The following RAB14 variants were observed in gnomAD, a reference collection of about 807,000 sequenced individuals.
RAB14 encodes the protein ras-related protein Rab-14.
RAB14 carries 3 observed loss-of-function variants against 31.1 expected under a neutral mutation model. The observed-to-expected ratio is 0.10, with a 90% confidence interval of 0.04 to 0.25. The LOEUF is 0.25. RAB14 is among the 10% of genes least tolerant of loss of function. The pLI is 1.00. For missense variants in RAB14, 111 were observed against 260.1 expected (o/e 0.43, Z 3.94); for synonymous variants, 85 against 84.9 (o/e 1.00, Z 0.00).
In RAB14 at chr9:121,181,453, C is replaced by A. The variant is rs146438109; in HGVS notation, c.591G>T (p.Pro197=). 4 of 1,612,088 alleles carry A rather than the reference C, an allele frequency of 2.5e-6. No homozygotes were observed. Among genetic ancestry groups the A allele is most frequent in the South Asian group, 2.2e-5 (2 of 90,964 alleles). ...GTTCACTGGTTAGCCGGCCTCCCTGCGGGGCTGAAGGTTTGTGTTGTACAC... is the reference window on the plus strand; with the variant it reads ...GTTCACTGGTTAGCCGGCCTCCCTGAGGGGCTGAAGGTTTGTGTTGTACAC... The part of the protein sequence containing the change: ...ESGVQHKPSA[P]QGGRLTSEPQ... The change falls in exon 8 of 8, where the codon CCG becomes CCT. Residue 197 remains proline, a synonymous_variant. Coordinates refer to ENST00000373840, the MANE Select transcript of RAB14 (RefSeq NM_016322.4).
intron 4 of RAB14, among the ~76,000 whole-genome samples, chr9:121,189,708 G>C (rs187932632): frequency 6.6e-6 from 1 of 152,188 alleles, no homozygotes; most frequent in Non-Finnish European, 1.5e-5. Context: ...CGCACATTAT[G>C]ACACATCAAG....
In RAB14 at chr9:121,181,483, C is replaced by T; in HGVS notation, c.561G>A (p.Glu187=). 6.2e-6 allele frequency: 10 copies of T among 1,613,730 alleles called. No homozygotes were observed. The highest frequency in any genetic ancestry group is 8.5e-6 in the Non-Finnish European group (10 of 1,179,712). The change falls in exon 8 of 8, where the codon GAG becomes GAA. Residue 187 remains glutamate, a synonymous_variant. Coordinates refer to ENST00000373840, the MANE Select transcript of RAB14 (RefSeq NM_016322.4). ...QDGSLDLNAA[E]SGVQHKPSAP... ...CTGAAGGTTTGTGTTGTACACCAGA[C>T]TCAGCAGCATTCAGATCCAAGCTTC...
At chr9:121,188,542 A>G (rs759867578) in intron 4 of RAB14, among the ~76,000 whole-genome samples, 3 of 150,036 alleles carry the variant, frequency 2.0e-5, no homozygotes, top group Non-Finnish European at 4.5e-5. Context: ...ACTAGTACTA[A>G]AAAAAAAGTG....
intron 4 of RAB14, 38 bp downstream of exon 4, chr9:121,190,512 GATTT>G: frequency 6.6e-7 from 1 of 1,504,370 alleles, no homozygotes; most frequent in Middle Eastern, 1.8e-4. Flanking sequence ...GCCCAAAGTA[GATTT>G]ATTTTCCCCA....
At chr9:121,197,794 A>T (rs1017175792) in intron 1 of RAB14, among the ~76,000 whole-genome samples, 13 of 152,202 alleles carry the variant, frequency 8.5e-5, no homozygotes, top group African/African-American at 2.4e-4. Context: ...TTCAGCCCAT[A>T]AGGCTACAGG....
In RAB14 at chr9:121,178,797, A is replaced by G. The variant is rs2053614436; in HGVS notation, c.*2599T>C. The stretch of plus-strand genomic sequence containing the variant: ...GCATAAATAGTACTAAGCACCAATT[A>G]CTAATCTGAAGGCCTCCTCACAGGT... On this transcript the variant is annotated 3_prime_UTR_variant, in exon 8 of 8. Transcript: ENST00000373840. 1 of 152,240 alleles carries G rather than the reference A, an allele frequency of 6.6e-6. No homozygotes were observed. The highest frequency in any genetic ancestry group is 1.5e-5 in the Non-Finnish European group (1 of 68,048). 9.4% of individuals were successfully genotyped at this position (152,240 alleles called of 1,614,324 possible). A position where few individuals can be genotyped will look rare whatever the true frequency, so the allele number is the denominator to read the frequency against.
chr9:121,191,980 T>C (rs2053689440), intron 3 of RAB14, among the ~76,000 whole-genome samples, 191 bp downstream of exon 3: 1 of 152,116 alleles, frequency 6.6e-6, no homozygotes, highest in Admixed American at 6.6e-5. Flanking sequence ...TCAGATTATA[T>C]AATGTGTATA....
chr9:121,196,173 C>A (rs1193426414), intron 1 of RAB14, among the ~76,000 whole-genome samples: 9 of 152,098 alleles, frequency 5.9e-5, no homozygotes, highest in Non-Finnish European at 1.0e-4. Context: ...ACATTACAAT[C>A]CCCATAAATG....
chr9:121,201,142 G>A (rs1444157048), intron 1 of RAB14, among the ~76,000 whole-genome samples: 1 of 152,134 alleles, frequency 6.6e-6, no homozygotes, highest in Non-Finnish European at 1.5e-5. Flanking sequence ...CGCCAAGAGG[G>A]CTGCGAAGAG....
intron 2 of RAB14, 112 bp downstream of exon 2, chr9:121,193,249 T>C: frequency 1.4e-6 from 1 of 697,444 alleles, no homozygotes; most frequent in Non-Finnish European, 2.4e-6. Flanking sequence ...GTTTTAGTTT[T>C]ACAGTAAGAA....
In RAB14 at chr9:121,180,309, T is replaced by G. The variant is rs1014071788; in HGVS notation, c.*1087A>C. On this transcript the variant is annotated 3_prime_UTR_variant, in exon 8 of 8. Transcript: ENST00000373840. ...AGGTATAAAAGCTTAAAATGTGCAA[T>G]AGTAAACCCAGCCTTTTTTCTTTTT... is the stretch of plus-strand genomic sequence containing the variant. 6.5e-6 allele frequency: 1 copy of G among 152,676 alleles called. No homozygotes were observed. The highest frequency in any genetic ancestry group is 2.4e-5 in the African/African-American group (1 of 41,458). The allele number at this position is 152,676 out of a possible 1,614,324, so 9.5% of individuals were successfully genotyped here.
Position 121,181,261 on chromosome 9 carries a change from GT to G in RAB14, c.*134del. The G allele has an allele frequency of 1.0e-6, 1 of 987,648 alleles. No homozygotes were observed. Among genetic ancestry groups the G allele is most frequent in the Non-Finnish European group, 1.4e-6 (1 of 706,398 alleles). The allele number at this position is 987,648 out of a possible 1,614,324, so 61.2% of individuals were successfully genotyped here. ...TAGCAGTTTAGTATTGTGTTAAACT[GT>G]TTTTACAACAGAGTTTTTTCTTTTT... On this transcript the variant is annotated 3_prime_UTR_variant, in exon 8 of 8. Coordinates refer to ENST00000373840, the MANE Select transcript of RAB14 (RefSeq NM_016322.4).
chr9:121,188,230 GT>G (rs2053668163), intron 4 of RAB14, among the ~76,000 whole-genome samples: 1 of 151,858 alleles, frequency 6.6e-6, no homozygotes, highest in African/African-American at 2.4e-5. Flanking sequence ...AGCCTTATCT[GT>G]GTTTGATATT....
At chr9:121,193,638 T>C (rs1588370972) in intron 1 of RAB14, among the ~76,000 whole-genome samples, 1 of 152,112 alleles carries the variant, frequency 6.6e-6, no homozygotes, top group Non-Finnish European at 1.5e-5. Context: ...CACAGAAATA[T>C]AAGAAACCAT....
Position 121,192,293 on chromosome 9 carries a change from C to T in RAB14, c.53-69G>A, listed in dbSNP as rs894493838. 1.1e-5 allele frequency: 13 copies of T among 1,182,920 alleles called. No homozygotes were observed. The African/African-American group carries it at 1.9e-4, about 17-fold the overall frequency. The allele number at this position is 1,182,920 out of a possible 1,614,324, so 73.3% of individuals were successfully genotyped here. A position where few individuals can be genotyped will look rare whatever the true frequency, so the allele number is the denominator to read the frequency against. On this transcript the variant is annotated intron_variant, in intron 2 of 7. Transcript: ENST00000373840. ...AATTTTATGCAATGATCGCTATATT[C>T]CTTACCATATAACATATCACAAGTT...
At chr9:121,201,383 GCCC>G (rs1441068858) in intron 1 of RAB14, among the ~76,000 whole-genome samples, 1 of 152,082 alleles carries the variant, frequency 6.6e-6, no homozygotes, top group Non-Finnish European at 1.5e-5. Context: ...GCCTCGGAGC[GCCC>G]CGCCGGTTGG....
intron 6 of RAB14, among the ~76,000 whole-genome samples, 156 bp from the exon 7 acceptor site, chr9:121,183,116 A>G (rs906034050): frequency 1.8e-4 from 27 of 152,168 alleles, no homozygotes; most frequent in African/African-American, 6.0e-4. Flanking sequence ...GAGCATCTTT[A>G]TATTTGTCAC....
chr9:121,198,699 C>T (rs1564322721), intron 1 of RAB14, among the ~76,000 whole-genome samples: 1 of 152,138 alleles, frequency 6.6e-6, no homozygotes, highest in Non-Finnish European at 1.5e-5. Context: ...CTACTAAGCA[C>T]AAAGCATTGT....
In RAB14 at chr9:121,180,675, A is replaced by G. The variant is rs529991967; in HGVS notation, c.*721T>C. 49 of 152,802 alleles carry G rather than the reference A, an allele frequency of 3.2e-4. No homozygotes were observed. The highest frequency in any genetic ancestry group is 1.1e-3 in the African/African-American group (47 of 41,592). The allele number at this position is 152,802 out of a possible 1,614,324, so 9.5% of individuals were successfully genotyped here. On this transcript the variant is annotated 3_prime_UTR_variant, in exon 8 of 8. Transcript: ENST00000373840. ...TTATACTGTTCCAATGCCAGTAATC[A>G]ATTTATTTTCTTCATTAAAATAATA... is the stretch of plus-strand genomic sequence containing the variant.
Sources: allele counts gnomAD v4.1 joint callset (sites outside exome capture counted in the v4.1 genomes callset), GRCh38; gene constraint gnomAD v4.1.1; transcripts MANE v1.5; gene names NCBI Gene and HGNC (gene_info 2026-07-23, HGNC 2026-07-21).